PICK1: variants seen among roughly 807,000 people sequenced by gnomAD.
PICK1 encodes the protein PRKCA-binding protein.
A neutral mutation model predicts 48.9 loss-of-function variants in PICK1; 23 were observed. That is an observed-to-expected ratio of 0.47 (90% CI 0.34 to 0.67). The LOEUF is 0.67. Among genes scored for constraint, PICK1 ranks in the 30% least tolerant of loss-of-function variants. The pLI is 0.01. For synonymous variants in PICK1, 217 were observed against 228.2 expected, an observed-to-expected ratio of 0.95 and a Z score of 0.44; for missense variants, 423 against 557.1, an observed-to-expected ratio of 0.76 and a Z score of 2.42.
chr22:38,071,969 G>C, intron 8 of PICK1: 1 of 599,466 alleles, frequency 1.7e-6, no homozygotes, highest in Non-Finnish European at 3.0e-6. Context: ...TCCTCACACT[G>C]CCACTGGCAG....
chr22:38,068,901 C>T lies in PICK1; in HGVS notation c.350-132C>T, dbSNP rs1322060569. On this transcript the variant is annotated intron_variant, in intron 5 of 12. Transcript: ENST00000356976. ...GCCTAGGACCTCCCCACTGGACATT[C>T]CCCACTTCACAGCCACCCCCAGCAG... 9.4e-6 allele frequency: 7 copies of T among 748,560 alleles called. No individual in the cohort carries two copies. The East Asian group carries it at 1.9e-4, about 20-fold the overall frequency. 46.4% of individuals were successfully genotyped at this position (748,560 alleles called of 1,614,324 possible). A position where few individuals can be genotyped will look rare whatever the true frequency, so the allele number is the denominator to read the frequency against.
At chr22:38,069,152 C>T (rs745856405) in intron 6 of PICK1, 30 bp downstream of exon 6, 29 of 1,527,586 alleles carry the variant, frequency 1.9e-5, no homozygotes, top group African/African-American at 2.7e-5. Context: ...GCTGGGGCCC[C>T]GGGGACTCAA....
rs1312964485 is a variant in PICK1 at position 38,074,329 on chromosome 22, G to T, written c.857G>T (p.Arg286Leu). 1 of 1,608,998 alleles carries T rather than the reference G, an allele frequency of 6.2e-7. No homozygotes were observed. Among genetic ancestry groups the T allele is most frequent in the Non-Finnish European group, 8.5e-7 (1 of 1,176,956 alleles). ...SCIALGEPLY[R>L]VSTGNYEYRL... Reference sequence around the variant, plus strand: ...CAGGCCCTAGGCGAGCCCCTTTACCGGGTGAGCACCGGCAACTATGAGTAC... The same window carrying T: ...CAGGCCCTAGGCGAGCCCCTTTACCTGGTGAGCACCGGCAACTATGAGTAC... The change falls in exon 12 of 13, where the codon CGG becomes CTG. Residue 286 changes from arginine to leucine, a missense_variant. Transcript: ENST00000356976. This position sits in a 1 kb window ranked among gnomAD's most constrained non-coding sequence, Gnocchi z 4.5.
In PICK1 at chr22:38,066,572, T is replaced by C. The variant is rs1184659500; in HGVS notation, c.283-1132T>C. 1.3e-5 allele frequency among the ~76,000 whole-genome samples: 2 copies of C among 152,166 alleles called. No individual in the cohort carries two copies. Among genetic ancestry groups the C allele is most frequent in the Admixed American group, 6.5e-5 (1 of 15,278 alleles). ...AGTGACCTGCTTGTGGTCACACAGC[T>C]GAACTGGAGCCCGGGCCCGACTCCC... On this transcript the variant is annotated intron_variant, in intron 4 of 12. Transcript: ENST00000356976. This position sits in a 1 kb window ranked among gnomAD's most constrained non-coding sequence, Gnocchi z 4.1.
chr22:38,067,826 C>T, intron 5 of PICK1, 56 bp downstream of exon 5: 1 of 1,445,796 alleles, frequency 6.9e-7, no homozygotes, highest in South Asian at 1.1e-5. Context: ...TGGGCCCTGG[C>T]CCAAAGGAGA....
chr22:38,067,662 T>C, intron 4 of PICK1, 42 bp from the exon 5 acceptor site: 1 of 1,561,844 alleles, frequency 6.4e-7, no homozygotes, highest in Non-Finnish European at 8.8e-7. Context: ...GGGCTCAGGG[T>C]GTGGAGCCTC....
chr22:38,070,556 C>T (rs893608421), intron 6 of PICK1, among the ~76,000 whole-genome samples: 2 of 152,208 alleles, frequency 1.3e-5, no homozygotes, highest in African/African-American at 2.4e-5. Flanking sequence ...TCCTATGGCC[C>T]CTGCCAGCCT....
chr22:38,075,206 G>A lies in PICK1; in HGVS notation c.*74G>A, dbSNP rs1569206362. 3 of 1,438,652 alleles carry A rather than the reference G, an allele frequency of 2.1e-6. No individual in the cohort carries two copies. The highest frequency in any genetic ancestry group is 2.1e-5 in the Admixed American group (1 of 46,546). 89.1% of individuals were successfully genotyped at this position (1,438,652 alleles called of 1,614,324 possible). On this transcript the variant is annotated 3_prime_UTR_variant, in exon 13 of 13. Coordinates refer to ENST00000356976, the MANE Select transcript of PICK1 (RefSeq NM_012407.4). ...CCTGGGAGCGGGGCGGGGCCGCCGC[G>A]CAAGGGGGCGACGCATAAAGGCCTG...
intron 4 of PICK1, 55 bp downstream of exon 4, chr22:38,065,185 C>T: frequency 6.4e-7 from 1 of 1,573,068 alleles, no homozygotes; most frequent in East Asian, 2.3e-5. Flanking sequence ...TTTCTGAGAC[C>T]TCCAGGCTGC....
At chr22:38,058,175 G>A (rs1363154898) in intron 2 of PICK1, 3 of 421,572 alleles carry the variant, frequency 7.1e-6, no homozygotes, top group Non-Finnish European at 8.8e-6. Flanking sequence ...TTTGAAGGTT[G>A]AATAGGAATA....
intron 3 of PICK1, among the ~76,000 whole-genome samples, chr22:38,063,544 CT>C (rs2085456781): frequency 6.6e-6 from 1 of 151,838 alleles, no homozygotes; most frequent in East Asian, 1.9e-4. Context: ...TTTAGGAATT[CT>C]GCATATATTC....
At chr22:38,059,656 A>G (rs1422350429) in intron 3 of PICK1, among the ~76,000 whole-genome samples, 1 of 152,236 alleles carries the variant, frequency 6.6e-6, no homozygotes, top group African/African-American at 2.4e-5. Context: ...TGCCTGGCAC[A>G]TAGTGGACAT....
chr22:38,074,159 T>C lies in PICK1; in HGVS notation c.835-148T>C. Reference sequence around the variant, plus strand: ...CAGAGGTTTGGGTTTGGTTTTTTCCTCTCTTCAAAGCTATCACTGAGTGCT... The same window carrying C: ...CAGAGGTTTGGGTTTGGTTTTTTCCCCTCTTCAAAGCTATCACTGAGTGCT... On this transcript the variant is annotated intron_variant, in intron 11 of 12. Coordinates refer to ENST00000356976, the MANE Select transcript of PICK1 (RefSeq NM_012407.4). The surrounding 1 kb of genome is among the most constrained non-coding windows in gnomAD (Gnocchi z 4.5). 1 of 963,834 alleles carries C rather than the reference T, an allele frequency of 1.0e-6. No homozygotes were observed. Among genetic ancestry groups the C allele is most frequent in the Non-Finnish European group, 1.5e-6 (1 of 647,992 alleles). The allele number at this position is 963,834 out of a possible 1,614,324, so 59.7% of individuals were successfully genotyped here. A position where few individuals can be genotyped will look rare whatever the true frequency, so the allele number is the denominator to read the frequency against.
At chr22:38,060,002 A>G (rs1255451408) in intron 3 of PICK1, among the ~76,000 whole-genome samples, 1 of 152,228 alleles carries the variant, frequency 6.6e-6, no homozygotes, top group Non-Finnish European at 1.5e-5. Flanking sequence ...TCACGAGGTC[A>G]GGAGTTCGAG....
chr22:38,062,686 CT>C (rs2085433779), intron 3 of PICK1, among the ~76,000 whole-genome samples: 1 of 72,742 alleles, frequency 1.4e-5, no homozygotes, highest in East Asian at 5.4e-4. Context: ...GGAGAATATC[CT>C]CCTGTAGCTT....
Position 38,071,607 on chromosome 22 carries a change from A to G in PICK1, c.494-75A>G, listed in dbSNP as rs1435737849. 11 of 1,335,584 alleles carry G rather than the reference A, an allele frequency of 8.2e-6. No homozygotes were observed. In the Admixed American group the frequency reaches 1.2e-4, roughly 14 times the overall value. 82.7% of individuals were successfully genotyped at this position (1,335,584 alleles called of 1,614,324 possible). A position where few individuals can be genotyped will look rare whatever the true frequency, so the allele number is the denominator to read the frequency against. ...GCAGAGGCCTTGGGTGGCATGGGCA[A>G]TTGGAGGCCTTGCCCTGGGCCAGTG... On this transcript the variant is annotated intron_variant, in intron 7 of 12. Coordinates refer to ENST00000356976, the MANE Select transcript of PICK1 (RefSeq NM_012407.4).
chr22:38,067,670 C>T, intron 4 of PICK1, 34 bp from the exon 5 acceptor site: 1 of 1,596,656 alleles, frequency 6.3e-7, no homozygotes, highest in East Asian at 2.2e-5. Flanking sequence ...GGTGTGGAGC[C>T]TCGCTCACTA....
intron 3 of PICK1, among the ~76,000 whole-genome samples, chr22:38,063,371 C>A (rs906664731): frequency 6.6e-6 from 1 of 151,944 alleles, no homozygotes; most frequent in African/African-American, 2.4e-5. Flanking sequence ...ATTGCCCAGG[C>A]GATCTTCCCA....
chr22:38,072,769 G>A (rs2085733711), intron 9 of PICK1, among the ~76,000 whole-genome samples, 159 bp downstream of exon 9: 1 of 152,092 alleles, frequency 6.6e-6, no homozygotes, highest in Non-Finnish European at 1.5e-5. Flanking sequence ...TGCCCCCTTG[G>A]GCCTTGCCAT....
Sources: gnomAD v4.1 joint callset for allele counts (sites outside exome capture counted in the v4.1 genomes callset) on GRCh38, gnomAD v4.1.1 for gene constraint, Gnocchi (gnomAD v3.1) non-coding constraint, MANE v1.5 for transcripts, NCBI Gene and HGNC (gene_info 2026-07-23, HGNC 2026-07-21) for gene names.